SPAG16: variants seen among roughly 807,000 people sequenced by gnomAD.
SPAG16 encodes sperm-associated antigen 16 protein.
Under a neutral mutation model 80.4 loss-of-function variants are expected in SPAG16, and 86 were observed. That is an observed-to-expected ratio of 1.07 (90% CI 0.90 to 1.28). The LOEUF is 1.28. Among genes scored for constraint, SPAG16 ranks in the 50% most tolerant of loss-of-function variants. The probability of loss-of-function intolerance (pLI) is 0.00; values close to 1 mark genes in which losing one functional copy is unlikely to be tolerated. For missense variants in SPAG16, 870 were observed against 765.3 expected (o/e 1.14, Z -1.61); for synonymous variants, 294 against 265.9 (o/e 1.11, Z -1.03).
At chr2:213,576,120 C>T (rs1339148907) in intron 10 of SPAG16, among the ~76,000 whole-genome samples, 3 of 152,246 alleles carry the variant, frequency 2.0e-5, no homozygotes, top group Non-Finnish European at 4.4e-5. Flanking sequence ...TGAAGGGGTC[C>T]TGTTTCAGTC....
chr2:214,164,025 A>G (rs2056555912), intron 15 of SPAG16, among the ~76,000 whole-genome samples: 3 of 152,122 alleles, frequency 2.0e-5, no homozygotes, highest in South Asian at 4.1e-4. Flanking sequence ...ACAATGGCCT[A>G]TCCAAATTGA....
chr2:214,042,827 T>A (rs1437440856), intron 13 of SPAG16, among the ~76,000 whole-genome samples: 1 of 152,132 alleles, frequency 6.6e-6, no homozygotes, highest in Non-Finnish European at 1.5e-5. Flanking sequence ...AGTAAAAAAA[T>A]TCCACCTTTG....
chr2:214,064,344 A>T (rs768482121), intron 13 of SPAG16, among the ~76,000 whole-genome samples: 5 of 152,102 alleles, frequency 3.3e-5, no homozygotes, highest in Non-Finnish European at 5.9e-5. Flanking sequence ...AAAAATACTT[A>T]TAGGTTTAAA....
chr2:213,575,417 T>A (rs2060089665), intron 10 of SPAG16, among the ~76,000 whole-genome samples: 1 of 152,112 alleles, frequency 6.6e-6, no homozygotes, highest in East Asian at 1.9e-4. Context: ...TTGATTTCAT[T>A]TACATTTTTC....
chr2:214,011,306 T>C (rs1179429201), intron 12 of SPAG16, among the ~76,000 whole-genome samples: 1 of 146,322 alleles, frequency 6.8e-6, no homozygotes, highest in Non-Finnish European at 1.5e-5. Flanking sequence ...AGGTAAAATT[T>C]GTACATAAAA....
At chr2:213,726,788 G>A (rs544211294) in intron 10 of SPAG16, among the ~76,000 whole-genome samples, 14 of 152,140 alleles carry the variant, frequency 9.2e-5, no homozygotes, top group Non-Finnish European at 1.6e-4. Flanking sequence ...TGATGAATCC[G>A]ACAAAATAGA....
rs138400711 is a variant in SPAG16 at position 213,410,109 on chromosome 2, G to A, written c.942+34990G>A. Among the ~76,000 whole-genome samples, 27 of 151,900 alleles carry A rather than the reference G, an allele frequency of 1.8e-4. 1 individual carries two copies. The East Asian group carries it at 4.7e-3, about 26-fold the overall frequency. ...AAAAGGGGATGGAATCATCACACCCGAGTCAAGAATGTGCCACCCCCTCCA... is the reference window on the plus strand; with the variant it reads ...AAAAGGGGATGGAATCATCACACCCAAGTCAAGAATGTGCCACCCCCTCCA... On this transcript the variant is annotated intron_variant, in intron 9 of 15. Transcript: ENST00000331683.
At chr2:213,759,448 T>A (rs2556301) in intron 10 of SPAG16, among the ~76,000 whole-genome samples, 141,133 of 152,054 alleles carry the variant, frequency 0.93, 66,459 homozygotes, top group East Asian at 1. Flanking sequence ...TATATTTTTG[T>A]ATAATACATA....
At chr2:213,890,321 C>A (rs1207589474) in intron 11 of SPAG16, among the ~76,000 whole-genome samples, 2 of 152,012 alleles carry the variant, frequency 1.3e-5, no homozygotes, top group Admixed American at 1.3e-4. Flanking sequence ...TAGTAAGTGA[C>A]ATTTTCCTTT....
intron 13 of SPAG16, among the ~76,000 whole-genome samples, chr2:214,080,981 A>G (rs1358944757): frequency 2.6e-5 from 4 of 152,110 alleles, no homozygotes; most frequent in African/African-American, 7.2e-5. Context: ...TGCCTGATCC[A>G]GAAACCACAC....
At chr2:213,951,811 C>A (rs956749365) in intron 12 of SPAG16, among the ~76,000 whole-genome samples, 4 of 152,134 alleles carry the variant, frequency 2.6e-5, no homozygotes, top group African/African-American at 9.6e-5. Flanking sequence ...AATAGCCAAG[C>A]AAAAGACATA....
At chr2:213,563,567 T>C (rs1269186462) in intron 10 of SPAG16, among the ~76,000 whole-genome samples, 1 of 152,216 alleles carries the variant, frequency 6.6e-6, no homozygotes, top group East Asian at 1.9e-4. Context: ...GAAGTATTTC[T>C]TCCTCTTCTT....
chr2:213,839,079 G>A (rs2074241270), intron 10 of SPAG16, among the ~76,000 whole-genome samples: 1 of 152,162 alleles, frequency 6.6e-6, no homozygotes, highest in Admixed American at 6.5e-5. Context: ...GTAGATGATT[G>A]GAAAAGCCAA....
At chr2:214,353,746 A>G (rs1024914777) in intron 15 of SPAG16, among the ~76,000 whole-genome samples, 1 of 152,164 alleles carries the variant, frequency 6.6e-6, no homozygotes, top group African/African-American at 2.4e-5. Flanking sequence ...TCACAAGAAA[A>G]TCACCATGTT....
At chr2:214,250,751 T>TAGAG (rs751433547) in intron 15 of SPAG16, among the ~76,000 whole-genome samples, 472 of 98,786 alleles carry the variant, frequency 4.8e-3, no homozygotes, top group African/African-American at 6.7e-3. Flanking sequence ...TATATATATA[T>TAGAG]ATATATAGAG....
At chr2:213,342,361 T>TG (rs2064743265) in intron 6 of SPAG16, among the ~76,000 whole-genome samples, 2 of 134,788 alleles carry the variant, frequency 1.5e-5, no homozygotes, top group Non-Finnish European at 3.2e-5. Flanking sequence ...TATATATATA[T>TG]TACATATATA....
chr2:214,075,193 C>T (rs1358069643), intron 13 of SPAG16, among the ~76,000 whole-genome samples: 3 of 151,088 alleles, frequency 2.0e-5, no homozygotes, highest in South Asian at 2.1e-4. Context: ...TTCATAATGG[C>T]GTTAGTGAAT....
At chr2:214,384,656 C>A (rs1450703882) in intron 15 of SPAG16, among the ~76,000 whole-genome samples, 1 of 152,076 alleles carries the variant, frequency 6.6e-6, no homozygotes, top group African/African-American at 2.4e-5. Flanking sequence ...TATGTACTTA[C>A]AAGCCAGTGG....
intron 10 of SPAG16, among the ~76,000 whole-genome samples, chr2:213,857,995 C>G (rs2662657): frequency 0.026 from 4,030 of 152,154 alleles, 202 homozygotes; most frequent in African/African-American, 0.091. Context: ...CCTGAAAATG[C>G]GATTCAATTG....
Sources: gnomAD v4.1 joint callset for allele counts (sites outside exome capture counted in the v4.1 genomes callset) on GRCh38, gnomAD v4.1.1 for gene constraint, MANE v1.5 for transcripts, NCBI Gene and HGNC (gene_info 2026-07-23, HGNC 2026-07-21) for gene names.